Variants in ATP2B1 observed in about 807,000 individuals in gnomAD.
The protein encoded by ATP2B1 is ATPase plasma membrane Ca2+ transporting 1.
In ATP2B1, 14 loss-of-function variants were observed where a neutral mutation model predicts 124.2. The ratio of observed to expected loss-of-function variants is 0.11; its 90% CI spans 0.07 to 0.18. The LOEUF (loss-of-function observed/expected upper bound fraction) is 0.18, where lower values mean the gene tolerates loss of function less well. Among genes scored for constraint, ATP2B1 ranks in the 10% least tolerant of loss-of-function variants. The pLI is 1.00. For missense variants in ATP2B1, 763 were observed against 1,466.1 expected (o/e 0.52, Z 7.83); for synonymous variants, 449 against 492.4 (o/e 0.91, Z 1.17).
chr12:89,667,614 G>T (rs1164921092), intron 1 of ATP2B1, among the ~76,000 whole-genome samples: 5 of 152,236 alleles, frequency 3.3e-5, no homozygotes, highest in African/African-American at 1.2e-4. Context: ...AGTCCCAAAG[G>T]TATCTGAGTA....
intron 11 of ATP2B1, 111 bp downstream of exon 11, chr12:89,619,888 T>A: frequency 7.3e-7 from 1 of 1,373,536 alleles, no homozygotes; most frequent in Admixed American, 2.2e-5. Flanking sequence ...AACTCTGAGG[T>A]CCTATCAAAT....
intron 10 of ATP2B1, among the ~76,000 whole-genome samples, chr12:89,621,077 T>C (rs1879882442): frequency 6.6e-6 from 1 of 152,182 alleles, no homozygotes; most frequent in African/African-American, 2.4e-5. Flanking sequence ...AGAATTACTT[T>C]ACTGCATTAG....
chr12:89,594,594 G>GGA (rs1555193304), intron 20 of ATP2B1: 1 of 143,968 alleles, frequency 6.9e-6, no homozygotes, highest in Admixed American at 6.9e-5. Flanking sequence ...GTTCAACAGA[G>GGA]AAAAAAAAAA....
intron 1 of ATP2B1, among the ~76,000 whole-genome samples, chr12:89,657,230 G>A (rs185925831): frequency 6.6e-5 from 10 of 152,220 alleles, no homozygotes; most frequent in Admixed American, 6.5e-4. Context: ...CCTTTGAAAA[G>A]TCTCTTCTGT....
intron 1 of ATP2B1, among the ~76,000 whole-genome samples, chr12:89,667,852 A>G (rs1887496666): frequency 6.6e-6 from 1 of 152,218 alleles, no homozygotes. Context: ...CTATCAAACT[A>G]CCAACACCAT....
rs559478691 is a variant in ATP2B1 at position 89,673,425 on chromosome 12, C to T, written c.-221-17318G>A. ...AAAAGCACTTCTGATTTCTGTTTCCCAATATCCAATAAGTAGCTAAGTTCC... is the reference window on the plus strand; with the variant it reads ...AAAAGCACTTCTGATTTCTGTTTCCTAATATCCAATAAGTAGCTAAGTTCC... On this transcript the variant is annotated intron_variant, in intron 1 of 20. Coordinates refer to ENST00000428670, the MANE Select transcript of ATP2B1 (RefSeq NM_001366521.1). Among the ~76,000 whole-genome samples the T allele has an allele frequency of 3.5e-4, 54 of 152,258 alleles. No homozygotes were observed. In the South Asian group the frequency reaches 5.6e-3, roughly 16 times the overall value.
chr12:89,655,634 G>A (rs1592882398), intron 2 of ATP2B1, 45 bp downstream of exon 2: 1 of 1,547,984 alleles, frequency 6.5e-7, no homozygotes, highest in East Asian at 2.2e-5. Flanking sequence ...CAAATATATA[G>A]AACTCTTTGC....
intron 1 of ATP2B1, among the ~76,000 whole-genome samples, chr12:89,667,570 C>T (rs557640643): frequency 9.3e-4 from 141 of 152,238 alleles, no homozygotes; most frequent in African/African-American, 3.4e-3. Flanking sequence ...TCACTGTCCC[C>T]CAACACCTGT....
At position 89,610,008 on chromosome 12, in the gene ATP2B1, C is replaced by T. The variant is rs1877691538; in HGVS notation, c.2371G>A (p.Val791Ile). 1 of 1,613,612 alleles carries T rather than the reference C, an allele frequency of 6.2e-7. No individual in the cohort carries two copies. Among genetic ancestry groups the T allele is most frequent in the South Asian group, 1.1e-5 (1 of 91,064 alleles). Residue 791 changes from valine to isoleucine, a missense_variant, in exon 15 of 21, where the codon GTT becomes ATT. Val to Ile is a conservative substitution (Grantham distance 29, BLOSUM62 3). Around this residue, in one of 7 missense-constraint regions of ATP2B1, gnomAD observed 51 missense variants for 192.8 expected, o/e 0.26. Transcript: ENST00000428670. ...IDSTVSDQRQ[V>I]VAVTGDGTND... ...GTACCATCACCAGTTACAGCTACAA[C>T]CTGGCGTTGGTCTGAGACAGTGCTG...
In ATP2B1 at chr12:89,610,421, C is replaced by T. The variant is rs781703158; in HGVS notation, c.2335G>A (p.Gly779Ser). The change falls in exon 14 of 21, where the codon GGT (glycine) becomes AGT (serine). Residue 779 changes from glycine to serine, a missense_variant and splice_region_variant. By Grantham distance (56) the Gly-to-Ser change is moderately conservative. Around this residue, in one of 7 missense-constraint regions of ATP2B1, gnomAD observed 51 missense variants for 192.8 expected, o/e 0.26. Transcript: ENST00000428670. ...TGAAATAACTGAAAAATCTACTTAC[C>T]TTTAACCAGTGTATGCTTATCAGTA... ...SPTDKHTLVK[G>S]IIDSTVSDQR... is the part of the protein sequence containing the mutation. 2 of 1,612,348 alleles carry T rather than the reference C, an allele frequency of 1.2e-6. No homozygotes were observed. The highest frequency in any genetic ancestry group is 3.3e-4 in the Middle Eastern group (2 of 6,050).
At chr12:89,620,664 G>A (rs1196692453) in intron 10 of ATP2B1, among the ~76,000 whole-genome samples, 1 of 151,922 alleles carries the variant, frequency 6.6e-6, no homozygotes, top group Admixed American at 6.6e-5. Context: ...AATTTTTATG[G>A]CTTAAAAGTA....
Position 89,655,760 on chromosome 12 carries a change from T to C in ATP2B1, c.127A>G (p.Thr43Ala). The C allele has an allele frequency of 6.2e-7, 1 of 1,614,220 alleles. No homozygotes were observed. Among genetic ancestry groups the C allele is most frequent in the Non-Finnish European group, 8.5e-7 (1 of 1,180,022 alleles). ...TCCTGTATTTTTCGTAATGCATCTG[T>C]GGACCTGAGCTCCATGAGAGCCCGC... Reference protein sequence around the residue: ...ELRALMELRSTDALRKIQESY... With the variant: ...ELRALMELRSADALRKIQESY... Residue 43 changes from threonine (T) to alanine (A), a missense_variant, in exon 2 of 21, where the codon ACA becomes GCA. Around this residue, in one of 7 missense-constraint regions of ATP2B1, gnomAD observed 93 missense variants for 112.7 expected, o/e 0.83. Transcript: ENST00000428670.
intron 1 of ATP2B1, among the ~76,000 whole-genome samples, chr12:89,692,581 T>C (rs750627909): frequency 4.6e-5 from 7 of 152,222 alleles, no homozygotes; most frequent in African/African-American, 1.2e-4. Flanking sequence ...TACTAAAGTA[T>C]ACAATAATCA....
chr12:89,642,081 CTAT>C, intron 3 of ATP2B1, 74 bp downstream of exon 3: 2 of 1,381,388 alleles, frequency 1.4e-6, no homozygotes, highest in South Asian at 1.3e-5. Context: ...TGCTGGCCAG[CTAT>C]TATTATTGTG....
intron 5 of ATP2B1, 49 bp downstream of exon 5, chr12:89,634,729 C>CT: frequency 6.7e-7 from 1 of 1,499,044 alleles, no homozygotes. Context: ...GACAATGGTA[C>CT]ATAGTTGCGA....
At chr12:89,642,424 A>C (rs751411830) in intron 2 of ATP2B1, 69 bp from the exon 3 acceptor site, 39 of 1,392,864 alleles carry the variant, frequency 2.8e-5, no homozygotes, top group Non-Finnish European at 3.8e-5. Context: ...AGTTTTATTC[A>C]AAATACCTCA....
At chr12:89,593,491 C>T (rs1264131560) in intron 20 of ATP2B1, 1 of 151,998 alleles carries the variant, frequency 6.6e-6, no homozygotes, top group African/African-American at 2.4e-5. Flanking sequence ...TGTTTTCCAT[C>T]TGTTTTTCTT....
intron 1 of ATP2B1, among the ~76,000 whole-genome samples, chr12:89,658,646 A>AGAGG (rs1221186665): frequency 7.3e-6 from 1 of 136,124 alleles, no homozygotes; most frequent in African/African-American, 2.8e-5. Flanking sequence ...AGAGAGAGAG[A>AGAGG]GATAGAGATA....
At chr12:89,625,377 C>T (rs534282931) in intron 8 of ATP2B1, among the ~76,000 whole-genome samples, 1 of 151,860 alleles carries the variant, frequency 6.6e-6, no homozygotes, top group Non-Finnish European at 1.5e-5. Flanking sequence ...TGAGCCTAGG[C>T]ATTTGAGACC....
Sources: allele counts gnomAD v4.1 joint callset (sites outside exome capture counted in the v4.1 genomes callset), GRCh38; gene constraint gnomAD v4.1.1; regional missense constraint gnomAD v4.1.1; transcripts MANE v1.5; gene names NCBI Gene and HGNC (gene_info 2026-07-23, HGNC 2026-07-21).